SIAE: variants seen among roughly 807,000 people sequenced by gnomAD.
SIAE encodes the protein sialic acid acetylesterase.
In SIAE, 39 loss-of-function variants were observed where a neutral mutation model predicts 52.6. That is an observed-to-expected ratio of 0.74 (90% CI 0.57 to 0.97). SIAE has a LOEUF of 0.97. SIAE is among the 50% of genes least tolerant of loss of function. The pLI is 0.00. For missense variants in SIAE, 592 were observed against 662.1 expected (o/e 0.89, Z 1.16); for synonymous variants, 233 against 241.4 (o/e 0.97, Z 0.32).
At position 124,661,129 on chromosome 11, in the gene SIAE, T is replaced by C. The variant is rs147878692; in HGVS notation, c.230-326A>G. Among the ~76,000 whole-genome samples the C allele has an allele frequency of 3.7e-4, 56 of 152,346 alleles. 1 individual carries two copies. The East Asian group carries it at 0.011, about 29-fold the overall frequency. On this transcript the variant is annotated intron_variant, in intron 2 of 9. Transcript: ENST00000263593. ...AGAAAACATAAAAGAGAAATTCTTA[T>C]TATACTATCCAGCTGTCAAAATTAA... is the stretch of plus-strand genomic sequence containing the variant.
At chr11:124,643,834 G>A (rs912877671) in intron 7 of SIAE, among the ~76,000 whole-genome samples, 1 of 152,134 alleles carries the variant, frequency 6.6e-6, no homozygotes, top group Non-Finnish European at 1.5e-5. Flanking sequence ...AAACTGGGAA[G>A]CAGTCTGGGC....
intron 4 of SIAE, among the ~76,000 whole-genome samples, chr11:124,652,903 C>T (rs1181898673): frequency 1.3e-5 from 2 of 151,924 alleles, no homozygotes; most frequent in South Asian, 2.1e-4. Flanking sequence ...CTCATTAGCA[C>T]GTCACCCATT....
chr11:124,643,928 G>T (rs1942888771), intron 7 of SIAE, among the ~76,000 whole-genome samples: 1 of 151,100 alleles, frequency 6.6e-6, no homozygotes, highest in Admixed American at 6.6e-5. Context: ...GTTCCACCCA[G>T]CCTTATTACT....
At chr11:124,667,713 A>G (rs1943292066) in intron 2 of SIAE, among the ~76,000 whole-genome samples, 1 of 152,116 alleles carries the variant, frequency 6.6e-6, no homozygotes, top group African/African-American at 2.4e-5. Flanking sequence ...TCCACATCAC[A>G]CAGCTATAGC....
intron 3 of SIAE, 118 bp downstream of exon 3, chr11:124,660,510 G>T: frequency 1.1e-6 from 1 of 947,232 alleles, no homozygotes; most frequent in Non-Finnish European, 1.7e-6. Flanking sequence ...ACATATCTTG[G>T]CTCATGGTAC....
intron 7 of SIAE, among the ~76,000 whole-genome samples, chr11:124,641,060 C>G (rs75358665): frequency 0.041 from 6,214 of 152,214 alleles, 429 homozygotes; most frequent in African/African-American, 0.14. Context: ...ACAGCAGTAG[C>G]TAACTGGTAC....
At chr11:124,642,521 G>A (rs934537198) in intron 7 of SIAE, among the ~76,000 whole-genome samples, 6 of 152,188 alleles carry the variant, frequency 3.9e-5, no homozygotes, top group African/African-American at 1.4e-4. Flanking sequence ...AATAGGGAAG[G>A]AGGAGAGAGT....
intron 3 of SIAE, chr11:124,659,361 A>T (rs1019525589): frequency 1.3e-5 from 2 of 152,208 alleles, no homozygotes; most frequent in African/African-American, 2.4e-5. Context: ...AAGAAATAAA[A>T]CTTTGATTCT....
At chr11:124,637,357 T>G (rs564000719) in intron 9 of SIAE, among the ~76,000 whole-genome samples, 155 bp from the exon 10 acceptor site, 2 of 152,334 alleles carry the variant, frequency 1.3e-5, no homozygotes, top group East Asian at 3.9e-4. Context: ...GAGCCCACTT[T>G]GGATCTAGTC....
chr11:124,667,821 G>C (rs1328367345), intron 2 of SIAE, among the ~76,000 whole-genome samples: 13 of 151,968 alleles, frequency 8.6e-5, no homozygotes, highest in Admixed American at 7.9e-4. Context: ...ATCTCTTCTA[G>C]ACAGAGACTC....
intron 4 of SIAE, among the ~76,000 whole-genome samples, chr11:124,651,327 C>G (rs1943012805): frequency 6.6e-6 from 1 of 152,066 alleles, no homozygotes; most frequent in Non-Finnish European, 1.5e-5. Context: ...GCAGGCAGAT[C>G]ATGAGGTCAG....
chr11:124,671,700 G>T (rs905233238), intron 1 of SIAE, among the ~76,000 whole-genome samples: 2 of 152,180 alleles, frequency 1.3e-5, no homozygotes, highest in Non-Finnish European at 2.9e-5. Context: ...GAATGAGAAA[G>T]AGAGCAAGGC....
rs1337343461 is a variant in SIAE, at chr11:124,635,228, C to A, written c.*1723G>T. The A allele has an allele frequency of 6.6e-6, 1 of 152,180 alleles. No homozygotes were observed. Among genetic ancestry groups the A allele is most frequent in the Non-Finnish European group, 1.5e-5 (1 of 68,058 alleles). 9.4% of individuals were successfully genotyped at this position (152,180 alleles called of 1,614,324 possible). On this transcript the variant is annotated 3_prime_UTR_variant, in exon 10 of 10. Transcript: ENST00000263593. ...CTTTTTCTCAGGCATCAATCTGTTA[C>A]AAGGTTCATGGTTTCTATGGGGCCA...
At chr11:124,659,347 T>C (rs754771496) in intron 3 of SIAE, 30 of 152,240 alleles carry the variant, frequency 2.0e-4, no homozygotes, top group Non-Finnish European at 5.9e-5. Flanking sequence ...CCATCCTTTC[T>C]ATCAAGAAAT....
At position 124,673,719 on chromosome 11, in the gene SIAE, A is replaced by T. The variant is rs202021641; in HGVS notation, c.-11T>A. ...CCCCGGCGCGACCATGCTTGCAAGG[A>T]TCTGACCGCCGCCTAGGACTGGGAA... On this transcript the variant is annotated 5_prime_UTR_variant, in exon 1 of 10. Transcript: ENST00000263593. 463 of 1,613,274 alleles carry T rather than the reference A, an allele frequency of 2.9e-4. 1 individual carries two copies. Among genetic ancestry groups the T allele is most frequent in the Middle Eastern group, 2.5e-3 (15 of 6,060 alleles).
chr11:124,669,832 C>T (rs999150959), intron 1 of SIAE, among the ~76,000 whole-genome samples: 10 of 152,188 alleles, frequency 6.6e-5, no homozygotes, highest in Non-Finnish European at 1.3e-4. Context: ...TGGGCTTGGC[C>T]CTAACGCTGG....
At chr11:124,664,847 T>C (rs958121904) in intron 2 of SIAE, among the ~76,000 whole-genome samples, 6 of 151,970 alleles carry the variant, frequency 3.9e-5, no homozygotes, top group South Asian at 2.1e-4. Context: ...AAGAACAACC[T>C]AGAAATGAAA....
chr11:124,643,354 G>A (rs984454031), intron 7 of SIAE, among the ~76,000 whole-genome samples: 2 of 152,086 alleles, frequency 1.3e-5, no homozygotes, highest in African/African-American at 2.4e-5. Flanking sequence ...CTCAGCACAC[G>A]GGGACCCACT....
Position 124,634,021 on chromosome 11 carries a change from A to G in SIAE, c.*2930T>C, listed in dbSNP as rs1942666542. ...CATATACTTGTATGAAGATATGTGT[A>G]AAATGTTTTTACTATGGATCATGGA... On this transcript the variant is annotated 3_prime_UTR_variant, in exon 10 of 10. Transcript: ENST00000263593. The G allele has an allele frequency of 6.6e-6, 1 of 152,252 alleles. No individual in the cohort carries two copies. The highest frequency in any genetic ancestry group is 1.5e-5 in the Non-Finnish European group (1 of 68,046). The allele number at this position is 152,252 out of a possible 1,614,324, so 9.4% of individuals were successfully genotyped here. A position where few individuals can be genotyped will look rare whatever the true frequency, so the allele number is the denominator to read the frequency against.
Sources: allele counts gnomAD v4.1 joint callset (sites outside exome capture counted in the v4.1 genomes callset), GRCh38; gene constraint gnomAD v4.1.1; transcripts MANE v1.5; gene names NCBI Gene and HGNC (gene_info 2026-07-23, HGNC 2026-07-21).